The following PARD3B variants were observed in gnomAD, a reference collection of about 807,000 sequenced individuals.
PARD3B encodes the protein par-3 family cell polarity regulator beta, also known as partitioning defective 3 homolog B.
In PARD3B, 103 loss-of-function variants were observed where a neutral mutation model predicts 130.2. The observed-to-expected ratio is 0.79, with a 90% confidence interval of 0.67 to 0.93. The LOEUF (loss-of-function observed/expected upper bound fraction) is 0.93, where lower values mean the gene tolerates loss of function less well. PARD3B is among the 40% of genes least tolerant of loss of function. The pLI is 0.00. For missense variants in PARD3B, 1,609 were observed against 1,499.2 expected (o/e 1.07, Z -1.21); for synonymous variants, 583 against 553.2 (o/e 1.05, Z -0.76).
At chr2:204,954,661 A>G (rs1032634900) in intron 2 of PARD3B, among the ~76,000 whole-genome samples, 3 of 152,194 alleles carry the variant, frequency 2.0e-5, no homozygotes, top group African/African-American at 7.2e-5. Flanking sequence ...TGAAGCTGTC[A>G]AAACTTGTGT....
intron 5 of PARD3B, among the ~76,000 whole-genome samples, chr2:205,107,018 A>C (rs1389944961): frequency 6.6e-6 from 1 of 152,166 alleles, no homozygotes; most frequent in African/African-American, 2.4e-5. Flanking sequence ...GGAGAATCTC[A>C]TATGCCACAG....
chr2:205,385,043 C>T (rs1369947658), intron 18 of PARD3B, among the ~76,000 whole-genome samples: 2 of 151,878 alleles, frequency 1.3e-5, no homozygotes, highest in African/African-American at 4.8e-5. Context: ...AAATACTTCC[C>T]GAATTAATTT....
intron 1 of PARD3B, among the ~76,000 whole-genome samples, chr2:204,597,078 A>G (rs2033327872): frequency 1.3e-5 from 2 of 152,178 alleles, no homozygotes. Flanking sequence ...CAGGCTTTTA[A>G]GGAATCAAGC....
At chr2:205,175,551 A>T (rs558835541) in intron 12 of PARD3B, among the ~76,000 whole-genome samples, 1 of 152,240 alleles carries the variant, frequency 6.6e-6, no homozygotes, top group Non-Finnish European at 1.5e-5. Flanking sequence ...GCCAAATGCT[A>T]TACTCAGAAG....
At position 204,932,349 on chromosome 2, in the gene PARD3B, T is replaced by A. The variant is rs926327735; in HGVS notation, c.223-32803T>A. Among the ~76,000 whole-genome samples, 114 of 152,254 alleles carry A rather than the reference T, an allele frequency of 7.5e-4. 1 individual carries two copies. The highest frequency in any genetic ancestry group is 2.6e-3 in the Admixed American group (40 of 15,266). On this transcript the variant is annotated intron_variant, in intron 2 of 22. Transcript: ENST00000406610. ...GAGCTTAATGCTCTTATTTCATTTTTTTCTTTAGTAAAAGAAATAGCCCCA... is the reference window on the plus strand; with the variant it reads ...GAGCTTAATGCTCTTATTTCATTTTATTCTTTAGTAAAAGAAATAGCCCCA...
chr2:205,383,129 T>TAGATAGATAGATAGAGAGAG (rs2045535290), intron 18 of PARD3B, among the ~76,000 whole-genome samples: 1 of 137,972 alleles, frequency 7.2e-6, no homozygotes, highest in Non-Finnish European at 1.6e-5. Context: ...GATAGATAGA[T>TAGATAGATAGATAGAGAGAG]AGATAGATAG....
Position 204,545,756 on chromosome 2 carries a change from C to T in PARD3B, c.-244C>T. On this transcript the variant is annotated 5_prime_UTR_variant, in exon 1 of 23. Transcript: ENST00000406610. ...AGCCGGTGCCGCGGAGCTGCCGCGT[C>T]CCGGGCCGCCGGGCACCTGGGAGGT... The T allele has an allele frequency of 2.5e-6, 1 of 392,344 alleles. No individual in the cohort carries two copies. Among genetic ancestry groups the T allele is most frequent in the South Asian group, 5.2e-5 (1 of 19,372 alleles). 24.3% of individuals were successfully genotyped at this position (392,344 alleles called of 1,614,324 possible). A position where few individuals can be genotyped will look rare whatever the true frequency, so the allele number is the denominator to read the frequency against.
chr2:204,838,132 A>G (rs2044120978), intron 2 of PARD3B, among the ~76,000 whole-genome samples: 1 of 152,172 alleles, frequency 6.6e-6, no homozygotes, highest in Admixed American at 6.5e-5. Flanking sequence ...GTGCTGAGCA[A>G]GAGGAGGCTT....
chr2:204,817,501 A>G (rs1047861836), intron 2 of PARD3B, among the ~76,000 whole-genome samples: 5 of 152,248 alleles, frequency 3.3e-5, no homozygotes, highest in African/African-American at 9.6e-5. Context: ...AATCTTGAGC[A>G]TTTCAGTGTT....
intron 3 of PARD3B, among the ~76,000 whole-genome samples, chr2:204,978,777 C>A (rs1692407412): frequency 6.6e-6 from 1 of 151,926 alleles, no homozygotes. Context: ...GCTTGGCCAA[C>A]ATGGCAAAAC....
intron 2 of PARD3B, among the ~76,000 whole-genome samples, chr2:204,722,941 G>A (rs1301920171): frequency 6.6e-6 from 1 of 152,128 alleles, no homozygotes; most frequent in Non-Finnish European, 1.5e-5. Context: ...AATTAGCATA[G>A]AATGGGGTAT....
At chr2:205,206,989 T>G (rs2037353284) in intron 15 of PARD3B, among the ~76,000 whole-genome samples, 1 of 147,178 alleles carries the variant, frequency 6.8e-6, no homozygotes, top group Non-Finnish European at 1.5e-5. Context: ...TCAGCAAATG[T>G]AAAAGAACAC....
At chr2:205,220,266 A>G (rs895299035) in intron 15 of PARD3B, among the ~76,000 whole-genome samples, 2 of 152,130 alleles carry the variant, frequency 1.3e-5, no homozygotes, top group African/African-American at 2.4e-5. Context: ...GAGATTCTCT[A>G]TGACTGGCCC....
At chr2:204,958,362 T>C (rs897480896) in intron 2 of PARD3B, among the ~76,000 whole-genome samples, 3 of 152,216 alleles carry the variant, frequency 2.0e-5, no homozygotes. Flanking sequence ...GGCATTGGTA[T>C]ATTGCTTCAA....
In PARD3B at chr2:205,276,757, G is replaced by T. The variant is rs970636405; in HGVS notation, c.2186-23773G>T. Among the ~76,000 whole-genome samples, 2 of 152,196 alleles carry T rather than the reference G, an allele frequency of 1.3e-5. No individual in the cohort carries two copies. Among genetic ancestry groups the T allele is most frequent in the Non-Finnish European group, 2.9e-5 (2 of 68,052 alleles). ...TGGCTGTTAGAAAATTTGTCATCCT[G>T]CTAGAGAGACCTATAGATTGGTGGT... On this transcript the variant is annotated intron_variant, in intron 16 of 22. Coordinates refer to ENST00000406610, the MANE Select transcript of PARD3B (RefSeq NM_001302769.2). The surrounding 1 kb of genome is among the most constrained non-coding windows in gnomAD (Gnocchi z 5.0).
intron 13 of PARD3B, among the ~76,000 whole-genome samples, chr2:205,185,069 C>A (rs1484817607): frequency 6.6e-6 from 1 of 152,166 alleles, no homozygotes; most frequent in African/African-American, 2.4e-5. Flanking sequence ...AAGATCTCAA[C>A]AACCTTACTT....
chr2:205,105,770 T>C lies in PARD3B; in HGVS notation c.593+1256T>C, dbSNP rs1703159925. On this transcript the variant is annotated intron_variant, in intron 5 of 22. Coordinates refer to ENST00000406610, the MANE Select transcript of PARD3B (RefSeq NM_001302769.2). The surrounding 1 kb of genome is among the most constrained non-coding windows in gnomAD (Gnocchi z 4.0). ...TTGCAACATAGGGAGACCCTCTCTC[T>C]CTCTGAAGAAAAAAAAAAGGCGGGG... 6.6e-6 allele frequency among the ~76,000 whole-genome samples: 1 copy of C among 150,908 alleles called. No individual in the cohort carries two copies. The highest frequency in any genetic ancestry group is 6.6e-5 in the Admixed American group (1 of 15,152).
rs2105926914 is a variant in PARD3B at position 205,309,001 on chromosome 2, C to T, written c.2630+7300C>T. Among the ~76,000 whole-genome samples the T allele has an allele frequency of 6.6e-6, 1 of 152,362 alleles. No homozygotes were observed. The highest frequency in any genetic ancestry group is 2.1e-4 in the South Asian group (1 of 4,830). On this transcript the variant is annotated intron_variant, in intron 18 of 22. Transcript: ENST00000406610. This position sits in a 1 kb window ranked among gnomAD's most constrained non-coding sequence, Gnocchi z 4.7. Reference sequence around the variant, plus strand: ...CACAGCCCAAGCTACACTGAATTTTCAGCAGATACGTTATCAGAATTTAGC... The same window carrying T: ...CACAGCCCAAGCTACACTGAATTTTTAGCAGATACGTTATCAGAATTTAGC...
chr2:205,198,852 T>G (rs1415272072), intron 15 of PARD3B, among the ~76,000 whole-genome samples: 1 of 151,836 alleles, frequency 6.6e-6, no homozygotes, highest in Non-Finnish European at 1.5e-5. Context: ...TATTAATATA[T>G]AAAATATATT....
Sources: allele counts gnomAD v4.1 joint callset (sites outside exome capture counted in the v4.1 genomes callset), GRCh38; gene constraint gnomAD v4.1.1; non-coding constraint Gnocchi (gnomAD v3.1); transcripts MANE v1.5; gene names NCBI Gene and HGNC (gene_info 2026-07-23, HGNC 2026-07-21).